NRG3: variants seen among roughly 807,000 people sequenced by gnomAD.
NRG3 encodes pro-neuregulin-3, membrane-bound isoform.
A neutral mutation model predicts 66.9 loss-of-function variants in NRG3; 31 were observed. The ratio of observed to expected loss-of-function variants is 0.46; its 90% CI spans 0.35 to 0.63. NRG3 has a LOEUF of 0.63. Among genes scored for constraint, NRG3 ranks in the 20% least tolerant of loss-of-function variants. The probability of loss-of-function intolerance (pLI) is 0.00; values close to 1 mark genes in which losing one functional copy is unlikely to be tolerated. For synonymous variants in NRG3, 393 were observed against 359.4 expected (o/e 1.09, Z -1.06); for missense variants, 910 against 878.9 (o/e 1.04, Z -0.45).
At chr10:82,873,690 G>A (rs1341543842) in intron 4 of NRG3, among the ~76,000 whole-genome samples, 1 of 152,164 alleles carries the variant, frequency 6.6e-6, no homozygotes, top group Non-Finnish European at 1.5e-5. Context: ...CATCAAAGAT[G>A]TTTATATGAA....
intron 4 of NRG3, among the ~76,000 whole-genome samples, chr10:82,911,396 C>T (rs1422762670): frequency 6.6e-6 from 1 of 151,998 alleles, no homozygotes; most frequent in Admixed American, 6.6e-5. Context: ...TAGATTCTTT[C>T]TGGAAAGTTA....
intron 2 of NRG3, among the ~76,000 whole-genome samples, chr10:82,411,715 G>A (rs780526906): frequency 7.9e-5 from 12 of 152,084 alleles, no homozygotes; most frequent in Non-Finnish European, 1.3e-4. Context: ...ATTGTAAGAT[G>A]CTCCGGGGTC....
chr10:82,235,298 AACTT>A (rs2076700572), intron 1 of NRG3, among the ~76,000 whole-genome samples: 1 of 152,246 alleles, frequency 6.6e-6, no homozygotes, highest in Admixed American at 6.5e-5. Flanking sequence ...GCTGAAAAAT[AACTT>A]ACTATCTGCC....
chr10:82,339,410 C>T (rs976110306), intron 1 of NRG3, among the ~76,000 whole-genome samples: 1 of 152,066 alleles, frequency 6.6e-6, no homozygotes, highest in African/African-American at 2.4e-5. Context: ...CACAGGGCAG[C>T]AGGGGAGAGA....
rs138716992 is a variant in NRG3 at position 82,133,007 on chromosome 10, A to T, written c.824-225732A>T. Among the ~76,000 whole-genome samples, 352 of 152,022 alleles carry T rather than the reference A, an allele frequency of 2.3e-3. 3 individuals carry two copies. The highest frequency in any genetic ancestry group is 8.1e-3 in the African/African-American group (336 of 41,546). On this transcript the variant is annotated intron_variant, in intron 1 of 8. Coordinates refer to ENST00000372141, the MANE Select transcript of NRG3 (RefSeq NM_001010848.4). ...TTGTTGATTTTGTTTATTTTTACAAAAAATCAACTTCATTTTGTTGATTTT... is the reference window on the plus strand; with the variant it reads ...TTGTTGATTTTGTTTATTTTTACAATAAATCAACTTCATTTTGTTGATTTT...
chr10:82,753,945 CAA>C (rs57793727), intron 3 of NRG3, among the ~76,000 whole-genome samples: 86 of 107,964 alleles, frequency 8.0e-4, no homozygotes, highest in Non-Finnish European at 1.0e-3. Flanking sequence ...GACTCCATCT[CAA>C]AAAAAAAAAA....
chr10:81,981,510 T>G (rs2133468247), intron 1 of NRG3, among the ~76,000 whole-genome samples: 1 of 152,252 alleles, frequency 6.6e-6, no homozygotes, highest in South Asian at 2.1e-4. Flanking sequence ...GCCTTAGCCC[T>G]GGGAAATAGC....
chr10:82,105,661 A>G (rs2067013918), intron 1 of NRG3, among the ~76,000 whole-genome samples: 1 of 152,216 alleles, frequency 6.6e-6, no homozygotes, highest in Non-Finnish European at 1.5e-5. Flanking sequence ...TGTAATGAAT[A>G]CATACACTAT....
At chr10:81,887,443 T>C (rs1730821148) in intron 1 of NRG3, among the ~76,000 whole-genome samples, 1 of 152,136 alleles carries the variant, frequency 6.6e-6, no homozygotes, top group Non-Finnish European at 1.5e-5. Context: ...AACTATCTGA[T>C]CTATTCCAAG....
intron 1 of NRG3, among the ~76,000 whole-genome samples, chr10:82,302,646 G>A (rs1212527459): frequency 6.6e-6 from 1 of 151,992 alleles, no homozygotes; most frequent in Non-Finnish European, 1.5e-5. Context: ...GTTTAAGTGA[G>A]GATTATTTAA....
Position 81,984,262 on chromosome 10 carries a change from A to G in NRG3, c.823+108099A>G, listed in dbSNP as rs78245763. Among the ~76,000 whole-genome samples, 935 of 152,316 alleles carry G rather than the reference A, an allele frequency of 6.1e-3. 6 individuals are homozygous for G. Among genetic ancestry groups the G allele is most frequent in the African/African-American group, 0.021 (874 of 41,570 alleles). On this transcript the variant is annotated intron_variant, in intron 1 of 8. Transcript: ENST00000372141. The stretch of plus-strand genomic sequence containing the variant: ...GTTGTGGTACTTTGTCATAGCAGCA[A>G]CAGGAAACTAATAGAATCACATTAA...
intron 2 of NRG3, among the ~76,000 whole-genome samples, chr10:82,524,967 C>T (rs1008203523): frequency 1.3e-5 from 2 of 151,842 alleles, no homozygotes; most frequent in African/African-American, 2.4e-5. Flanking sequence ...AGATCTTTCA[C>T]TACAATGTGT....
chr10:82,707,568 TG>T (rs11341226), intron 2 of NRG3, among the ~76,000 whole-genome samples: 119,854 of 148,734 alleles, frequency 0.81, 49,808 homozygotes, highest in East Asian at 0.99. Flanking sequence ...TGTTTGTTTT[TG>T]TTTTTGTAGA....
intron 1 of NRG3, among the ~76,000 whole-genome samples, chr10:82,193,960 A>C (rs1336287): frequency 0.48 from 73,146 of 151,864 alleles, 18,868 homozygotes; most frequent in Middle Eastern, 0.66. Flanking sequence ...GAGTTTTTGC[A>C]ACATTTAGAG....
intron 2 of NRG3, among the ~76,000 whole-genome samples, chr10:82,559,785 G>A (rs537527099): frequency 8.8e-4 from 134 of 152,050 alleles, no homozygotes; most frequent in Non-Finnish European, 1.5e-3. Flanking sequence ...TCATCCAAGT[G>A]CAGCAAATAT....
chr10:82,197,821 A>G (rs1355184593), intron 1 of NRG3, among the ~76,000 whole-genome samples: 9 of 152,164 alleles, frequency 5.9e-5, no homozygotes, highest in Admixed American at 3.3e-4. Context: ...ATTTCCATTT[A>G]AGAAAAATTT....
rs539339940 is a variant in NRG3 at position 82,457,687 on chromosome 10, T to C, written c.953+98819T>C. Among the ~76,000 whole-genome samples the C allele has an allele frequency of 2.1e-4, 32 of 152,264 alleles. No individual in the cohort carries two copies. The South Asian group carries it at 6.4e-3, about 31-fold the overall frequency. On this transcript the variant is annotated intron_variant, in intron 2 of 8. Transcript: ENST00000372141. ...TGTGTTTATTCTCCAATGTGTTCATTTGAGTTCCATATCATAATTCAGCAC... is the reference window on the plus strand; with the variant it reads ...TGTGTTTATTCTCCAATGTGTTCATCTGAGTTCCATATCATAATTCAGCAC...
At chr10:82,171,295 A>C (rs1330690547) in intron 1 of NRG3, among the ~76,000 whole-genome samples, 1 of 152,020 alleles carries the variant, frequency 6.6e-6, no homozygotes, top group Non-Finnish European at 1.5e-5. Context: ...CCTTACTAGC[A>C]AGGTTTTTCC....
chr10:82,828,023 A>G (rs2062323608), intron 3 of NRG3, among the ~76,000 whole-genome samples: 2 of 152,016 alleles, frequency 1.3e-5, no homozygotes, highest in South Asian at 4.1e-4. Flanking sequence ...CCCTACTCTG[A>G]AGGGATATCC....
Sources: allele counts gnomAD v4.1 joint callset (sites outside exome capture counted in the v4.1 genomes callset), GRCh38; gene constraint gnomAD v4.1.1; transcripts MANE v1.5; gene names NCBI Gene and HGNC (gene_info 2026-07-23, HGNC 2026-07-21).